The following GAP43 variants were observed in gnomAD, a reference collection of about 807,000 sequenced individuals.
GAP43 encodes neuromodulin.
Under a neutral mutation model 18.6 loss-of-function variants are expected in GAP43, and 6 were observed. That is an observed-to-expected ratio of 0.32 (90% CI 0.18 to 0.64). GAP43 has a LOEUF of 0.64. Among genes scored for constraint, GAP43 ranks in the 30% least tolerant of loss-of-function variants. The pLI, the probability that GAP43 is intolerant of heterozygous loss-of-function variation, is 0.78. For synonymous variants in GAP43, 115 were observed against 111.4 expected (o/e 1.03, Z -0.20); for missense variants, 292 against 295.5 (o/e 0.99, Z 0.09).
chr3:115,635,700 T>A lies in GAP43; in HGVS notation c.30+11981T>A, dbSNP rs191851742. On this transcript the variant is annotated intron_variant, in intron 1 of 2. Transcript: ENST00000305124. ...ATTCAGAAAAGAATCCAAGAAGTAC[T>A]CTGCAGGACTAGGTATGAAAAGAAA... Among the ~76,000 whole-genome samples the A allele has an allele frequency of 7.8e-4, 118 of 151,240 alleles. 1 individual carries two copies. Among genetic ancestry groups the A allele is most frequent in the African/African-American group, 2.8e-3 (114 of 41,128 alleles).
intron 2 of GAP43, among the ~76,000 whole-genome samples, chr3:115,717,275 C>T (rs1709520332): frequency 6.6e-6 from 1 of 151,562 alleles, no homozygotes; most frequent in African/African-American, 2.4e-5. Flanking sequence ...CTTAAAGGGT[C>T]CACTCATTTC....
At chr3:115,702,078 G>T (rs1709303798) in intron 2 of GAP43, among the ~76,000 whole-genome samples, 1 of 152,200 alleles carries the variant, frequency 6.6e-6, no homozygotes, top group South Asian at 2.1e-4. Context: ...TAATGGTCAG[G>T]TGATGTCTCA....
chr3:115,690,719 A>G (rs1576995387), intron 2 of GAP43, among the ~76,000 whole-genome samples: 1 of 143,878 alleles, frequency 7.0e-6, no homozygotes, highest in Non-Finnish European at 1.5e-5. Context: ...CCATATGAAG[A>G]TCCTCTGGGC....
intron 1 of GAP43, among the ~76,000 whole-genome samples, chr3:115,669,925 G>T (rs1708791124): frequency 6.6e-6 from 1 of 150,892 alleles, no homozygotes; most frequent in Non-Finnish European, 1.5e-5. Context: ...CTGCATGTTG[G>T]GGGATCCGGT....
chr3:115,642,690 A>G (rs987898505), intron 1 of GAP43, among the ~76,000 whole-genome samples: 1 of 152,114 alleles, frequency 6.6e-6, no homozygotes, highest in Non-Finnish European at 1.5e-5. Context: ...CTTAAGTACC[A>G]CAACTCCAAA....
intron 1 of GAP43, among the ~76,000 whole-genome samples, chr3:115,670,021 G>T: frequency 8.7e-6 from 1 of 114,528 alleles, no homozygotes; most frequent in African/African-American, 3.3e-5. Context: ...TATACTCTAA[G>T]TTTTAGGGTA....
rs1553720748 is a variant in GAP43, at chr3:115,647,762, A to AAAC, written c.30+24045_30+24046insCAA. ...AAACAAAACAAAACAAAAAAACAAAAAAAAAAAACGGCCTGATAGGGCAAG... is the reference window on the plus strand; with the variant it reads ...AAACAAAACAAAACAAAAAAACAAAAAACAAAAAAAACGGCCTGATAGGGCAAG... On this transcript the variant is annotated intron_variant, in intron 1 of 2. Transcript: ENST00000305124. 2.4e-4 allele frequency among the ~76,000 whole-genome samples: 33 copies of AAAC among 140,166 alleles called. No homozygotes were observed. The East Asian group carries it at 3.8e-3, about 16-fold the overall frequency. 92.0% of individuals were successfully genotyped at this position (140,166 alleles called of 152,430 possible). A position where few individuals can be genotyped will look rare whatever the true frequency, so the allele number is the denominator to read the frequency against.
intron 2 of GAP43, among the ~76,000 whole-genome samples, chr3:115,683,178 CA>C (rs1244797273): frequency 1.3e-5 from 2 of 149,450 alleles, no homozygotes; most frequent in Non-Finnish European, 3.0e-5. Flanking sequence ...CACACACACA[CA>C]CACACACACG....
At chr3:115,696,728 A>T (rs1260569535) in intron 2 of GAP43, among the ~76,000 whole-genome samples, 1 of 151,894 alleles carries the variant, frequency 6.6e-6, no homozygotes, top group Non-Finnish European at 1.5e-5. Context: ...TTCTCAAAGC[A>T]ACTTTCTCTT....
At chr3:115,682,856 G>A (rs770517197) in intron 2 of GAP43, among the ~76,000 whole-genome samples, 41 of 152,228 alleles carry the variant, frequency 2.7e-4, no homozygotes, top group East Asian at 2.1e-3. Flanking sequence ...AGTTAAAAAA[G>A]TAAGCAGACA....
At chr3:115,645,274 G>A (rs1175583886) in intron 1 of GAP43, among the ~76,000 whole-genome samples, 1 of 151,908 alleles carries the variant, frequency 6.6e-6, no homozygotes, top group Non-Finnish European at 1.5e-5. Flanking sequence ...TGGAGTTCAG[G>A]CTTTGGTGCA....
chr3:115,700,621 A>G (rs559655459), intron 2 of GAP43, among the ~76,000 whole-genome samples: 3 of 152,148 alleles, frequency 2.0e-5, no homozygotes, highest in African/African-American at 7.2e-5. Flanking sequence ...TCTCTATATT[A>G]TTATGTACAC....
intron 1 of GAP43, among the ~76,000 whole-genome samples, chr3:115,638,949 C>A (rs1265104835): frequency 6.6e-6 from 1 of 152,036 alleles, no homozygotes; most frequent in Non-Finnish European, 1.5e-5. Context: ...ATCTCTTTTG[C>A]TATACCAGGA....
chr3:115,647,544 G>A (rs2107473408), intron 1 of GAP43, among the ~76,000 whole-genome samples: 1 of 151,972 alleles, frequency 6.6e-6, no homozygotes, highest in Non-Finnish European at 1.5e-5. Flanking sequence ...TTTAAAAAGG[G>A]AAAAAACTAG....
intron 2 of GAP43, among the ~76,000 whole-genome samples, chr3:115,684,892 T>G (rs972317504): frequency 2.0e-5 from 3 of 152,206 alleles, no homozygotes; most frequent in Non-Finnish European, 2.9e-5. Flanking sequence ...GAGACGTCAT[T>G]TATTTAAAAA....
chr3:115,715,460 A>G (rs955444179), intron 2 of GAP43, among the ~76,000 whole-genome samples: 5 of 152,102 alleles, frequency 3.3e-5, no homozygotes, highest in African/African-American at 7.2e-5. Flanking sequence ...TCTAGACTCT[A>G]TAGCCCCTTC....
At chr3:115,678,048 C>T (rs1708915873) in intron 2 of GAP43, among the ~76,000 whole-genome samples, 1 of 152,194 alleles carries the variant, frequency 6.6e-6, no homozygotes, top group South Asian at 2.1e-4. Flanking sequence ...TAACACACAA[C>T]TGTCCCAGGG....
intron 1 of GAP43, among the ~76,000 whole-genome samples, chr3:115,649,429 T>C (rs1708496957): frequency 6.6e-6 from 1 of 152,024 alleles, no homozygotes; most frequent in African/African-American, 2.4e-5. Context: ...GAAATGAGAT[T>C]GTAATAAAAA....
intron 1 of GAP43, among the ~76,000 whole-genome samples, chr3:115,647,759 A>AAC (rs1553720740): frequency 5.8e-5 from 4 of 69,442 alleles, no homozygotes; most frequent in Non-Finnish European, 6.7e-5. Flanking sequence ...ACAAAAAAAC[A>AAC]AAAAAAAAAA....
Sources: gnomAD v4.1 joint callset for allele counts (sites outside exome capture counted in the v4.1 genomes callset) on GRCh38, gnomAD v4.1.1 for gene constraint, MANE v1.5 for transcripts, NCBI Gene and HGNC (gene_info 2026-07-23, HGNC 2026-07-21) for gene names.